The following SLC1A1 variants were observed in gnomAD, a reference collection of about 807,000 sequenced individuals.
SLC1A1 encodes the protein excitatory amino acid transporter 3.
A neutral mutation model predicts 53.3 loss-of-function variants in SLC1A1; 43 were observed. The observed-to-expected ratio is 0.81, with a 90% confidence interval of 0.63 to 1.04. The LOEUF is 1.04. Ranked by LOEUF, SLC1A1 falls within the 50% of genes least tolerant of loss-of-function variation. The probability of loss-of-function intolerance (pLI) is 0.00; values close to 1 mark genes in which losing one functional copy is unlikely to be tolerated. For synonymous variants in SLC1A1, 307 were observed against 243.2 expected (o/e 1.26, Z -2.44); for missense variants, 748 against 664.9 (o/e 1.12, Z -1.37).
chr9:4,503,829 T>C (rs1820713908), intron 1 of SLC1A1, among the ~76,000 whole-genome samples: 1 of 151,876 alleles, frequency 6.6e-6, no homozygotes, highest in Non-Finnish European at 1.5e-5. Context: ...TATATCTGAC[T>C]GATTACAACC....
chr9:4,562,214 G>C (rs1819023462), intron 3 of SLC1A1, among the ~76,000 whole-genome samples: 1 of 151,816 alleles, frequency 6.6e-6, no homozygotes, highest in Non-Finnish European at 1.5e-5. Context: ...TGGGATTACA[G>C]GTGCACACCA....
chr9:4,557,605 G>C (rs979412452), intron 2 of SLC1A1, among the ~76,000 whole-genome samples: 1 of 150,950 alleles, frequency 6.6e-6, no homozygotes, highest in African/African-American at 2.4e-5. Flanking sequence ...GGGCAACATA[G>C]TGAGACCTCA....
At chr9:4,510,602 A>G (rs2130813138) in intron 1 of SLC1A1, among the ~76,000 whole-genome samples, 1 of 152,190 alleles carries the variant, frequency 6.6e-6, no homozygotes, top group African/African-American at 2.4e-5. Flanking sequence ...CACCTGTGTC[A>G]TTTTCACTCC....
In SLC1A1 at chr9:4,537,587, ATAAAAT is replaced by A. The variant is rs1222972483; in HGVS notation, c.92-6979_92-6974del. 1.3e-4 allele frequency among the ~76,000 whole-genome samples: 4 copies of A among 31,554 alleles called. 1 individual carries two copies. The highest frequency in any genetic ancestry group is 5.6e-4 in the African/African-American group (4 of 7,118). The allele number at this position is 31,554 out of a possible 152,430, so 20.7% of individuals were successfully genotyped here. On this transcript the variant is annotated intron_variant, in intron 1 of 11. Coordinates refer to ENST00000262352, the MANE Select transcript of SLC1A1 (RefSeq NM_004170.6). ...TCTCAAAAAAATAAAATAAAATAAAATAAAATAAAATAAAAAAAAAAAAAATCACAT... is the reference window on the plus strand; with the variant it reads ...TCTCAAAAAAATAAAATAAAATAAAAAAAATAAAAAAAAAAAAAATCACAT...
intron 1 of SLC1A1, among the ~76,000 whole-genome samples, chr9:4,514,423 G>C (rs909900514): frequency 6.6e-6 from 1 of 152,202 alleles, no homozygotes; most frequent in African/African-American, 2.4e-5. Flanking sequence ...AACATCTTAA[G>C]ATAACATTCA....
At chr9:4,579,801 C>G (rs997393265) in intron 10 of SLC1A1, among the ~76,000 whole-genome samples, 1 of 152,102 alleles carries the variant, frequency 6.6e-6, no homozygotes, top group African/African-American at 2.4e-5. Flanking sequence ...ATCAAAGAAA[C>G]ATAGGTACCA....
chr9:4,564,286 C>T, intron 3 of SLC1A1, 58 bp from the exon 4 acceptor site: 1 of 1,161,718 alleles, frequency 8.6e-7, no homozygotes, highest in Non-Finnish European at 1.3e-6. Flanking sequence ...AAGGTGCCAG[C>T]TGTGCCAGGT....
intron 1 of SLC1A1, among the ~76,000 whole-genome samples, chr9:4,501,665 G>A (rs1327848523): frequency 6.6e-6 from 1 of 151,676 alleles, no homozygotes; most frequent in African/African-American, 2.4e-5. Flanking sequence ...TGGGGAGGCT[G>A]AGGCAGGAGA....
intron 2 of SLC1A1, among the ~76,000 whole-genome samples, chr9:4,554,642 G>C (rs571260752): frequency 6.6e-6 from 1 of 152,330 alleles, no homozygotes; most frequent in Admixed American, 6.5e-5. Context: ...GAGGGGATGA[G>C]ACAGGAAGAT....
In SLC1A1 at chr9:4,519,470, C is replaced by A. The variant is rs1815988623; in HGVS notation, c.92-25097C>A. ...ATTAGAATCCAGATTCTTAGCTCCT[C>A]TTTTCATTATCTGATCCTGCTTGGT... On this transcript the variant is annotated intron_variant, in intron 1 of 11. Transcript: ENST00000262352. Among the ~76,000 whole-genome samples the A allele has an allele frequency of 2.0e-5, 3 of 152,202 alleles. No homozygotes were observed. The South Asian group carries it at 6.2e-4, about 32-fold the overall frequency.
chr9:4,527,980 C>A (rs1816323456), intron 1 of SLC1A1, among the ~76,000 whole-genome samples: 1 of 152,174 alleles, frequency 6.6e-6, no homozygotes, highest in South Asian at 2.1e-4. Flanking sequence ...TCTTGTTACT[C>A]AGCTTATTCT....
intron 2 of SLC1A1, among the ~76,000 whole-genome samples, chr9:4,555,606 T>C (rs541000671): frequency 6.6e-6 from 1 of 152,340 alleles, no homozygotes; most frequent in East Asian, 1.9e-4. Context: ...CAGGTGCCCC[T>C]GACTTCCAAG....
At chr9:4,548,369 A>G (rs968555878) in intron 2 of SLC1A1, among the ~76,000 whole-genome samples, 2 of 152,176 alleles carry the variant, frequency 1.3e-5, no homozygotes, top group Non-Finnish European at 2.9e-5. Flanking sequence ...CCGAAGGAGG[A>G]TGCAGGTGGG....
At chr9:4,573,864 C>T in intron 7 of SLC1A1, 43 bp from the exon 8 acceptor site, 2 of 1,346,826 alleles carry the variant, frequency 1.5e-6, no homozygotes, top group South Asian at 1.2e-5. Context: ...CATGAGAAAG[C>T]ACTTGATGAC....
In SLC1A1 at chr9:4,541,778, G is replaced by T. The variant is rs949687669; in HGVS notation, c.92-2789G>T. Reference sequence around the variant, plus strand: ...CAATCTTTACCTTTCTTAGTTCTGGGAGTGGCCTTACCAGGTGGGCCTGGC... The same window carrying T: ...CAATCTTTACCTTTCTTAGTTCTGGTAGTGGCCTTACCAGGTGGGCCTGGC... On this transcript the variant is annotated intron_variant, in intron 1 of 11. Coordinates refer to ENST00000262352, the MANE Select transcript of SLC1A1 (RefSeq NM_004170.6). Among the ~76,000 whole-genome samples the T allele has an allele frequency of 8.5e-5, 13 of 152,270 alleles. No homozygotes were observed. The East Asian group carries it at 2.5e-3, about 29-fold the overall frequency.
At chr9:4,524,084 G>A (rs868216307) in intron 1 of SLC1A1, among the ~76,000 whole-genome samples, 1 of 152,134 alleles carries the variant, frequency 6.6e-6, no homozygotes, top group Non-Finnish European at 1.5e-5. Context: ...CCAATGCATT[G>A]TATAAATTAG....
At chr9:4,504,431 T>G (rs1820732505) in intron 1 of SLC1A1, among the ~76,000 whole-genome samples, 1 of 152,254 alleles carries the variant, frequency 6.6e-6, no homozygotes, top group Non-Finnish European at 1.5e-5. Flanking sequence ...TCCAGGAGAC[T>G]TTGAACAACT....
intron 1 of SLC1A1, among the ~76,000 whole-genome samples, chr9:4,498,000 T>A (rs1820497708): frequency 6.6e-6 from 1 of 152,222 alleles, no homozygotes; most frequent in Non-Finnish European, 1.5e-5. Flanking sequence ...TGAAATTGAT[T>A]ACTGCTGTCT....
intron 2 of SLC1A1, among the ~76,000 whole-genome samples, chr9:4,560,745 C>G (rs1032342167): frequency 6.6e-6 from 1 of 151,876 alleles, no homozygotes; most frequent in Non-Finnish European, 1.5e-5. Context: ...ACCTGTAATC[C>G]CAGCACTTTG....
Sources: allele counts gnomAD v4.1 joint callset (sites outside exome capture counted in the v4.1 genomes callset), GRCh38; gene constraint gnomAD v4.1.1; transcripts MANE v1.5; gene names NCBI Gene and HGNC (gene_info 2026-07-23, HGNC 2026-07-21).